ATXN1: variants seen among roughly 807,000 people sequenced by gnomAD.
ATXN1 encodes ataxin-1.
ATXN1 carries 8 observed loss-of-function variants against 56.4 expected under a neutral mutation model. That is an observed-to-expected ratio of 0.14 (90% CI 0.08 to 0.26). ATXN1 has a LOEUF of 0.26. Ranked by LOEUF, ATXN1 falls within the 10% of genes least tolerant of loss-of-function variation. ATXN1 has a pLI of 1.00. For synonymous variants in ATXN1, 514 were observed against 494.6 expected, an observed-to-expected ratio of 1.04 and a Z score of -0.52; for missense variants, 987 against 1,106.5, an observed-to-expected ratio of 0.89 and a Z score of 1.53.
intron 2 of ATXN1, chr6:16,667,157 G>C (rs971751171): frequency 6.6e-6 from 1 of 152,142 alleles, no homozygotes; most frequent in African/African-American, 2.4e-5. Flanking sequence ...AATAAATAAA[G>C]AAATGGAGGT....
chr6:16,727,717 A>T (rs1759881024), intron 2 of ATXN1, among the ~76,000 whole-genome samples: 1 of 152,212 alleles, frequency 6.6e-6, no homozygotes, highest in African/African-American at 2.4e-5. Flanking sequence ...ATTTGTTAGC[A>T]TAAAAAATCT....
At chr6:16,652,874 CCTT>C (rs1281336830) in intron 3 of ATXN1, 1 of 152,212 alleles carries the variant, frequency 6.6e-6, no homozygotes, top group Non-Finnish European at 1.5e-5. Context: ...CGCCAAACCT[CCTT>C]TAGTCAAAAC....
chr6:16,691,129 G>C (rs980479345), intron 2 of ATXN1, among the ~76,000 whole-genome samples: 4 of 152,180 alleles, frequency 2.6e-5, no homozygotes, highest in Non-Finnish European at 5.9e-5. Context: ...AAAAGATGGT[G>C]CCAGGTTGGA....
intron 3 of ATXN1, among the ~76,000 whole-genome samples, chr6:16,623,587 A>G (rs1763356642): frequency 6.6e-6 from 1 of 152,254 alleles, no homozygotes. Context: ...AGGAAGCAAA[A>G]TGAAGACATT....
intron 3 of ATXN1, among the ~76,000 whole-genome samples, chr6:16,612,930 C>T (rs115316930): frequency 0.012 from 1,740 of 149,726 alleles, 33 homozygotes; most frequent in African/African-American, 0.041. Flanking sequence ...CTAAGAAAAG[C>T]AATATAAAGG....
intron 6 of ATXN1, among the ~76,000 whole-genome samples, chr6:16,343,204 G>A (rs540668129): frequency 2.0e-5 from 3 of 152,234 alleles, no homozygotes; most frequent in African/African-American, 7.2e-5. Context: ...AATTAGCCGG[G>A]CGTGGTGGTG....
At chr6:16,498,718 T>G (rs1760823588) in intron 5 of ATXN1, among the ~76,000 whole-genome samples, 3 of 152,236 alleles carry the variant, frequency 2.0e-5, no homozygotes, top group African/African-American at 4.8e-5. Context: ...TGGTATCTCA[T>G]TGTGGTTTTG....
chr6:16,574,252 C>T (rs543349542), intron 4 of ATXN1, among the ~76,000 whole-genome samples: 1 of 152,362 alleles, frequency 6.6e-6, no homozygotes, highest in East Asian at 1.9e-4. Context: ...GTCGCCCAGG[C>T]TGGCATGCAG....
In ATXN1 at chr6:16,544,569, G is replaced by A. The variant is rs116165474; in HGVS notation, c.-360-21881C>T. The stretch of plus-strand genomic sequence containing the variant: ...TATGACCCTACATCTGGGATGCTGT[G>A]GGGTGCTTGCAACCTATAGACAGCA... On this transcript the variant is annotated intron_variant, in intron 4 of 7. Coordinates refer to ENST00000436367, the MANE Select transcript of ATXN1 (RefSeq NM_001128164.2). Among the ~76,000 whole-genome samples, 868 of 152,234 alleles carry A rather than the reference G, an allele frequency of 5.7e-3. 9 individuals carry two copies. The highest frequency in any genetic ancestry group is 0.02 in the African/African-American group (832 of 41,544).
intron 3 of ATXN1, among the ~76,000 whole-genome samples, chr6:16,605,201 T>C (rs55992872): frequency 0.022 from 3,377 of 152,358 alleles, 68 homozygotes; most frequent in Non-Finnish European, 0.033. Context: ...GACTCACTTG[T>C]ATAAGTTACA....
chr6:16,620,276 CA>C (rs1763295926), intron 3 of ATXN1, among the ~76,000 whole-genome samples: 1 of 151,450 alleles, frequency 6.6e-6, no homozygotes, highest in African/African-American at 2.4e-5. Flanking sequence ...CACACACACA[CA>C]CACACACACA....
At chr6:16,689,739 T>C (rs1417723982) in intron 2 of ATXN1, among the ~76,000 whole-genome samples, 1 of 152,126 alleles carries the variant, frequency 6.6e-6, no homozygotes, top group Non-Finnish European at 1.5e-5. Context: ...TCACCTCACA[T>C]ACTTATTTTT....
intron 6 of ATXN1, among the ~76,000 whole-genome samples, chr6:16,390,886 C>T (rs779565682): frequency 1.3e-5 from 2 of 152,002 alleles, no homozygotes; most frequent in African/African-American, 4.8e-5. Context: ...TATGGCCAGG[C>T]GTGGTGGCTC....
intron 6 of ATXN1, among the ~76,000 whole-genome samples, chr6:16,397,676 C>T (rs1581735571): frequency 1.3e-5 from 2 of 152,324 alleles, no homozygotes; most frequent in Non-Finnish European, 2.9e-5. Flanking sequence ...TACATACCAC[C>T]AAGCCATATG....
intron 4 of ATXN1, among the ~76,000 whole-genome samples, chr6:16,535,844 T>C (rs1761587604): frequency 6.6e-6 from 1 of 152,128 alleles, no homozygotes; most frequent in African/African-American, 2.4e-5. Flanking sequence ...AGGTCACATA[T>C]GATGTGATAA....
At position 16,368,374 on chromosome 6, in the gene ATXN1, A is replaced by G. The variant is rs1226496080; in HGVS notation, c.-160-39904T>C. 4.8e-4 allele frequency among the ~76,000 whole-genome samples: 48 copies of G among 99,268 alleles called. No homozygotes were observed. In the Admixed American group the frequency reaches 6.1e-3, roughly 13 times the overall value. The allele number at this position is 99,268 out of a possible 152,430, so 65.1% of individuals were successfully genotyped here. A position where few individuals can be genotyped will look rare whatever the true frequency, so the allele number is the denominator to read the frequency against. On this transcript the variant is annotated intron_variant, in intron 6 of 7. Coordinates refer to ENST00000436367, the MANE Select transcript of ATXN1 (RefSeq NM_001128164.2). ...TTTTTTTTTTTTTTTTTTTGGTGAT[A>G]TGGAACTGAACCTAATCCTAACTGT...
At chr6:16,731,717 T>A (rs1298662036) in intron 2 of ATXN1, among the ~76,000 whole-genome samples, 1 of 151,976 alleles carries the variant, frequency 6.6e-6, no homozygotes, top group African/African-American at 2.4e-5. Flanking sequence ...CATTTGTCAT[T>A]TAATTTTTAT....
Position 16,391,679 on chromosome 6 carries a change from C to T in ATXN1, c.-160-63209G>A, listed in dbSNP as rs1215434982. Among the ~76,000 whole-genome samples, 4 of 152,164 alleles carry T rather than the reference C, an allele frequency of 2.6e-5. No homozygotes were observed. The East Asian group carries it at 7.7e-4, about 29-fold the overall frequency. On this transcript the variant is annotated intron_variant, in intron 6 of 7. Transcript: ENST00000436367. ...CAAGAGAGAGTTTTCAGGAAGAATG[C>T]TGGCTCTGGAAGGCAGCGGAAGGTT...
chr6:16,436,348 GACAAAGACACCCCCAACA>G (rs1759388788), intron 6 of ATXN1, among the ~76,000 whole-genome samples: 1 of 152,138 alleles, frequency 6.6e-6, no homozygotes, highest in Non-Finnish European at 1.5e-5. Flanking sequence ...ACTAGATGCT[GACAAAGACACCCCCAACA>G]ACAAATAATT....
Sources: allele counts gnomAD v4.1 joint callset (sites outside exome capture counted in the v4.1 genomes callset), GRCh38; gene constraint gnomAD v4.1.1; transcripts MANE v1.5; gene names NCBI Gene and HGNC (gene_info 2026-07-23, HGNC 2026-07-21).